DIAPH2: variants seen among roughly 807,000 people sequenced by gnomAD.
The protein encoded by DIAPH2 is diaphanous related formin 2.
A neutral mutation model predicts 92.7 loss-of-function variants in DIAPH2; 35 were observed. The observed-to-expected ratio is 0.38, with a 90% CI of 0.29 to 0.50. The LOEUF (loss-of-function observed/expected upper bound fraction) is 0.50, where lower values mean the gene tolerates loss of function less well. DIAPH2 is among the 20% of genes least tolerant of loss of function. The probability of loss-of-function intolerance (pLI) is 0.94; values close to 1 mark genes in which losing one functional copy is unlikely to be tolerated. For synonymous variants in DIAPH2, 301 were observed against 280.4 expected (o/e 1.07, Z -0.73); for missense variants, 701 against 819.5 (o/e 0.86, Z 1.77).
At chrX:97,570,103 TATATATATATATATATATATTAGA>T (rs2071356530) in intron 26 of DIAPH2, among the ~76,000 whole-genome samples, 1 of 31,852 alleles carries the variant, frequency 3.1e-5, no homozygotes, top group Non-Finnish European at 6.0e-5. Context: ...TATATATATA[TATATATATATATATATATATTAGA>T]AGATAGATAG....
At chrX:96,870,469 G>A (rs2065134058) in intron 4 of DIAPH2, among the ~76,000 whole-genome samples, 1 of 104,597 alleles carries the variant, frequency 9.6e-6, no homozygotes, top group South Asian at 4.5e-4. Context: ...GTAGAGATGG[G>A]GTTTCACCAT....
intron 26 of DIAPH2, among the ~76,000 whole-genome samples, chrX:97,487,592 T>A (rs771769064): frequency 8.9e-6 from 1 of 112,004 alleles, no homozygotes; most frequent in South Asian, 3.7e-4. Flanking sequence ...TTCGGACATA[T>A]CCCCAGAAGA....
intron 23 of DIAPH2, among the ~76,000 whole-genome samples, chrX:97,280,919 C>A (rs912076502): frequency 1.8e-5 from 2 of 111,972 alleles, no homozygotes; most frequent in Admixed American, 9.6e-5. Flanking sequence ...TTTTGTATAG[C>A]TTTTAGCTAT....
intron 17 of DIAPH2, among the ~76,000 whole-genome samples, chrX:97,043,402 T>C (rs2066460343): frequency 9.0e-6 from 1 of 110,929 alleles, no homozygotes; most frequent in Non-Finnish European, 1.9e-5. Flanking sequence ...CTTGGGATCT[T>C]TTAAGTTTCA....
chrX:97,509,288 C>A (rs886737074), intron 26 of DIAPH2, among the ~76,000 whole-genome samples: 1 of 109,542 alleles, frequency 9.1e-6, no homozygotes, highest in African/African-American at 3.3e-5. Flanking sequence ...CTCAGGTGAT[C>A]CACCCACCTT....
intron 1 of DIAPH2, among the ~76,000 whole-genome samples, chrX:96,691,058 A>T (rs776622482): frequency 1.8e-5 from 2 of 112,259 alleles, no homozygotes; most frequent in Non-Finnish European, 3.8e-5. Context: ...TGGCAGTAGC[A>T]ACATGTTACT....
chrX:96,746,117 T>C (rs2064148413), intron 3 of DIAPH2, among the ~76,000 whole-genome samples: 1 of 111,090 alleles, frequency 9.0e-6, no homozygotes, highest in Admixed American at 9.6e-5. Context: ...CCCAAGCTGG[T>C]CTCCAACTCC....
intron 23 of DIAPH2, among the ~76,000 whole-genome samples, chrX:97,301,230 T>C (rs1470028741): frequency 1.8e-5 from 2 of 109,401 alleles, no homozygotes; most frequent in African/African-American, 6.7e-5. Flanking sequence ...ACGTTTGATG[T>C]CCTCATTGTG....
intron 17 of DIAPH2, among the ~76,000 whole-genome samples, chrX:97,000,219 C>T (rs1215128894): frequency 1.8e-5 from 2 of 111,648 alleles, no homozygotes; most frequent in African/African-American, 6.5e-5. Flanking sequence ...AAGAAAAAGA[C>T]GCAGGCATTG....
intron 1 of DIAPH2, among the ~76,000 whole-genome samples, chrX:96,713,091 G>A (rs190962675): frequency 7.2e-5 from 8 of 111,529 alleles, no homozygotes; most frequent in East Asian, 5.7e-4. Flanking sequence ...CACAAGGCAC[G>A]TACTAGTACA....
intron 21 of DIAPH2, among the ~76,000 whole-genome samples, chrX:97,120,822 A>G (rs1164310113): frequency 9.1e-6 from 1 of 110,075 alleles, no homozygotes; most frequent in Non-Finnish European, 1.9e-5. Flanking sequence ...CCAACTATAC[A>G]AAGGAAACAT....
chrX:97,247,958 G>T (rs1366879469), intron 23 of DIAPH2, 119 bp downstream of exon 23: 3 of 644,591 alleles, frequency 4.7e-6, no homozygotes, highest in South Asian at 5.6e-5. Context: ...ATGAATTTGT[G>T]TATATGCTGT....
intron 23 of DIAPH2, among the ~76,000 whole-genome samples, chrX:97,340,263 A>G (rs1451935230): frequency 9.0e-6 from 1 of 111,569 alleles, no homozygotes; most frequent in African/African-American, 3.3e-5. Flanking sequence ...TGTGTCCATA[A>G]CCAGCTTTCC....
intron 17 of DIAPH2, among the ~76,000 whole-genome samples, chrX:97,028,141 T>A (rs2147876253): frequency 9.0e-6 from 1 of 111,461 alleles, no homozygotes; most frequent in East Asian, 2.8e-4. Context: ...GTCATGGAAT[T>A]GTTTTCAGTG....
At chrX:97,099,485 A>G (rs2066892181) in intron 19 of DIAPH2, among the ~76,000 whole-genome samples, 1 of 112,080 alleles carries the variant, frequency 8.9e-6, no homozygotes, top group Non-Finnish European at 1.9e-5. Flanking sequence ...TACAAAAACC[A>G]AACAAGTTTA....
chrX:96,722,122 A>G (rs144869572), intron 1 of DIAPH2, among the ~76,000 whole-genome samples: 2,075 of 111,573 alleles, frequency 0.019, 42 homozygotes, highest in African/African-American at 0.064. Flanking sequence ...TTGGGAGGCC[A>G]AGGAGGGCGG....
intron 4 of DIAPH2, among the ~76,000 whole-genome samples, chrX:96,758,830 A>G (rs1442351692): frequency 2.7e-5 from 3 of 111,513 alleles, no homozygotes; most frequent in African/African-American, 9.7e-5. Flanking sequence ...GAGTCCCAAG[A>G]CTTGAAAGTA....
intron 4 of DIAPH2, among the ~76,000 whole-genome samples, chrX:96,836,418 G>T (rs887549726): frequency 1.6e-4 from 17 of 108,442 alleles, no homozygotes; most frequent in African/African-American, 5.0e-4. Flanking sequence ...AAGGCATATT[G>T]ATTTCCATAT....
intron 22 of DIAPH2, among the ~76,000 whole-genome samples, chrX:97,155,705 G>A (rs1440090772): frequency 9.0e-6 from 1 of 111,305 alleles, no homozygotes; most frequent in Admixed American, 9.6e-5. Context: ...AAAATGCACT[G>A]AGGAAAACAG....
Sources: allele counts gnomAD v4.1 joint callset (sites outside exome capture counted in the v4.1 genomes callset), GRCh38; gene constraint gnomAD v4.1.1; transcripts MANE v1.5; gene names NCBI Gene and HGNC (gene_info 2026-07-23, HGNC 2026-07-21).